The following MANBA variants were observed in gnomAD, a reference collection of about 807,000 sequenced individuals.
MANBA encodes beta-mannosidase.
Under a neutral mutation model 111.1 loss-of-function variants are expected in MANBA, and 83 were observed. That is an observed-to-expected ratio of 0.75 (90% CI 0.63 to 0.90). The LOEUF is 0.90. Among genes scored for constraint, MANBA ranks in the 40% least tolerant of loss-of-function variants. MANBA has a pLI of 0.00. For synonymous variants in MANBA, 370 were observed against 378.7 expected (o/e 0.98, Z 0.27); for missense variants, 1,036 against 1,069.0 (o/e 0.97, Z 0.43).
chr4:102,735,190 G>A (rs1396881817), intron 1 of MANBA, among the ~76,000 whole-genome samples: 1 of 152,198 alleles, frequency 6.6e-6, no homozygotes, highest in African/African-American at 2.4e-5. Flanking sequence ...GACAGCCCAG[G>A]CCAGGGTAGG....
intron 8 of MANBA, 145 bp downstream of exon 8, chr4:102,673,774 C>A (rs542062349): frequency 8.3e-6 from 6 of 725,156 alleles, no homozygotes; most frequent in Non-Finnish European, 1.4e-5. Flanking sequence ...AAAATCCTGT[C>A]CATTCTGAAG....
intron 5 of MANBA, among the ~76,000 whole-genome samples, chr4:102,713,628 G>A (rs748010031): frequency 2.0e-5 from 3 of 152,068 alleles, no homozygotes; most frequent in East Asian, 1.9e-4. Flanking sequence ...TTGGCCAGGC[G>A]CAGTGGCTTA....
At chr4:102,746,347 T>A (rs1459181252) in intron 1 of MANBA, among the ~76,000 whole-genome samples, 1 of 152,192 alleles carries the variant, frequency 6.6e-6, no homozygotes, top group Non-Finnish European at 1.5e-5. Context: ...TGTGTCTATT[T>A]TTCCACAATT....
At chr4:102,752,988 C>T (rs1279182052) in intron 1 of MANBA, among the ~76,000 whole-genome samples, 6 of 152,088 alleles carry the variant, frequency 3.9e-5, no homozygotes, top group South Asian at 4.2e-4. Flanking sequence ...ATAAAATTTA[C>T]GGAAAAAGTA....
chr4:102,699,927 G>A (rs1158624671), intron 5 of MANBA, among the ~76,000 whole-genome samples: 1 of 151,644 alleles, frequency 6.6e-6, no homozygotes, highest in Non-Finnish European at 1.5e-5. Context: ...AGTTTCAGAA[G>A]GAATGGTACC....
intron 5 of MANBA, among the ~76,000 whole-genome samples, chr4:102,701,373 T>C (rs1305184528): frequency 6.6e-6 from 1 of 152,148 alleles, no homozygotes; most frequent in Non-Finnish European, 1.5e-5. Context: ...AAAGTTAATA[T>C]TGTTATGTGT....
At chr4:102,703,204 C>A (rs1249307048) in intron 5 of MANBA, among the ~76,000 whole-genome samples, 1 of 152,168 alleles carries the variant, frequency 6.6e-6, no homozygotes, top group Non-Finnish European at 1.5e-5. Context: ...AATCATAGCT[C>A]GCTGCAGCCT....
intron 11 of MANBA, chr4:102,658,883 C>T (rs555956200): frequency 6.6e-6 from 1 of 152,200 alleles, no homozygotes; most frequent in African/African-American, 2.4e-5. Flanking sequence ...AGCATGTAAG[C>T]ACTTAACAGG....
chr4:102,674,519 A>AT (rs1272114004), intron 7 of MANBA, among the ~76,000 whole-genome samples: 1 of 152,248 alleles, frequency 6.6e-6, no homozygotes, highest in Non-Finnish European at 1.5e-5. Context: ...TGCAATCTTA[A>AT]TAACACATTA....
intron 5 of MANBA, among the ~76,000 whole-genome samples, chr4:102,708,850 A>ATAT (rs1310370628): frequency 2.0e-5 from 3 of 151,778 alleles, no homozygotes; most frequent in African/African-American, 7.2e-5. Flanking sequence ...AATATTTTGT[A>ATAT]TATTATTATA....
intron 7 of MANBA, among the ~76,000 whole-genome samples, chr4:102,674,340 A>T (rs1731628478): frequency 6.6e-6 from 1 of 152,210 alleles, no homozygotes; most frequent in South Asian, 2.1e-4. Flanking sequence ...CATTTGTGAT[A>T]ACATCAAAAA....
At chr4:102,639,110 C>T (rs1729755718) in intron 14 of MANBA, among the ~76,000 whole-genome samples, 2 of 152,086 alleles carry the variant, frequency 1.3e-5, no homozygotes, top group African/African-American at 4.8e-5. Flanking sequence ...GGTTCCATGC[C>T]AGTCATCTCA....
intron 5 of MANBA, among the ~76,000 whole-genome samples, chr4:102,691,971 CA>C (rs1732496194): frequency 6.6e-6 from 1 of 152,122 alleles, no homozygotes; most frequent in African/African-American, 2.4e-5. Context: ...TGGGCAATAA[CA>C]AAATTGATGA....
chr4:102,656,332 G>GA (rs926864869), intron 12 of MANBA, among the ~76,000 whole-genome samples: 4 of 150,184 alleles, frequency 2.7e-5, no homozygotes, highest in South Asian at 2.1e-4. Context: ...GTAAGCACGT[G>GA]AAAAAAAAAT....
intron 1 of MANBA, among the ~76,000 whole-genome samples, chr4:102,740,773 C>G (rs1398572086): frequency 2.0e-5 from 3 of 152,014 alleles, no homozygotes; most frequent in African/African-American, 7.2e-5. Flanking sequence ...ATCCTCATCT[C>G]TCACCTTATA....
At chr4:102,669,163 G>T in intron 9 of MANBA, 114 bp from the exon 10 acceptor site, 1 of 830,266 alleles carries the variant, frequency 1.2e-6, no homozygotes, top group Non-Finnish European at 2.0e-6. Context: ...AATCCAGTTA[G>T]CCTGATGAGT....
intron 1 of MANBA, chr4:102,729,562 T>C: frequency 1.1e-6 from 1 of 873,772 alleles, no homozygotes; most frequent in Non-Finnish European, 2.0e-6. Context: ...CTTGTTCATG[T>C]AACCTTCATC....
At chr4:102,754,429 C>G (rs7670008) in intron 1 of MANBA, among the ~76,000 whole-genome samples, 10,701 of 152,084 alleles carry the variant, frequency 0.07, 810 homozygotes, top group African/African-American at 0.19. Flanking sequence ...CAGATTATAA[C>G]TGATGGTAAT....
intron 5 of MANBA, among the ~76,000 whole-genome samples, chr4:102,707,348 A>G (rs138574048): frequency 1.6e-4 from 24 of 152,336 alleles, no homozygotes; most frequent in Non-Finnish European, 2.6e-4. Flanking sequence ...TCCTTCATAA[A>G]TAAAGGACAA....
Sources: allele counts gnomAD v4.1 joint callset (sites outside exome capture counted in the v4.1 genomes callset), GRCh38; gene constraint gnomAD v4.1.1; transcripts MANE v1.5; gene names NCBI Gene and HGNC (gene_info 2026-07-23, HGNC 2026-07-21).